The following NEXN variants were observed in gnomAD, a reference collection of about 807,000 sequenced individuals.
NEXN encodes nexilin F-actin binding protein, also known as nexilin.
NEXN carries 65 observed loss-of-function variants against 92.6 expected under a neutral mutation model. The ratio of observed to expected loss-of-function variants is 0.70; its 90% CI spans 0.57 to 0.86. The LOEUF (loss-of-function observed/expected upper bound fraction) is 0.86. NEXN is among the 40% of genes least tolerant of loss of function. The pLI is 0.00. For synonymous variants in NEXN, 254 were observed against 242.5 expected, an observed-to-expected ratio of 1.05 and a Z score of -0.44; for missense variants, 778 against 771.1, an observed-to-expected ratio of 1.01 and a Z score of -0.11.
chr1:77,926,339 A>G (rs191857514), intron 6 of NEXN, 75 bp from the exon 7 acceptor site: 1 of 939,224 alleles, frequency 1.1e-6, no homozygotes, highest in East Asian at 2.4e-5. Flanking sequence ...AAATTCACCT[A>G]TGATGGAGGT....
At position 77,925,215 on chromosome 1, in the gene NEXN, G is replaced by C. The variant is rs758902476; in HGVS notation, c.475G>C (p.Glu159Gln). The change falls in exon 6 of 13, where the codon GAA becomes CAA. Residue 159 changes from glutamate to glutamine, a missense_variant. Around this residue, in one of 3 missense-constraint regions of NEXN, gnomAD observed 236 missense variants for 265.6 expected, o/e 0.89. Coordinates refer to ENST00000334785, the MANE Select transcript of NEXN (RefSeq NM_144573.4). ...QIEDINNTGT[E>Q]SASEEGDDSL... Reference sequence around the variant, plus strand: ...TGAGGACATAAACAATACGGGAACTGAATCAGCATCAGAGGTAAACAGACA... The same window carrying C: ...TGAGGACATAAACAATACGGGAACTCAATCAGCATCAGAGGTAAACAGACA... The C allele has an allele frequency of 3.1e-6, 5 of 1,597,890 alleles. No homozygotes were observed. Among genetic ancestry groups the C allele is most frequent in the Non-Finnish European group, 4.3e-6 (5 of 1,166,912 alleles).
rs930310600 is a variant in NEXN, at chr1:77,939,407, T to C, written c.1474-2616T>C. Among the ~76,000 whole-genome samples, 8 of 152,166 alleles carry C rather than the reference T, an allele frequency of 5.3e-5. No individual in the cohort carries two copies. The East Asian group carries it at 7.7e-4, about 15-fold the overall frequency. On this transcript the variant is annotated intron_variant, in intron 11 of 12. Transcript: ENST00000334785. Reference sequence around the variant, plus strand: ...TAGATAAAGCTGCTTATAAAGTTAATTGTTGAAAGTGAATTAAGCCCTGGA... The same window carrying C: ...TAGATAAAGCTGCTTATAAAGTTAACTGTTGAAAGTGAATTAAGCCCTGGA...
At chr1:77,926,361 A>G in intron 6 of NEXN, 53 bp from the exon 7 acceptor site, 1 of 1,336,858 alleles carries the variant, frequency 7.5e-7, no homozygotes, top group Non-Finnish European at 1.1e-6. Flanking sequence ...AAGTCCCATG[A>G]AACCCAATTT....
chr1:77,917,934 T>G, intron 3 of NEXN, 26 bp from the exon 4 acceptor site: 1 of 1,585,480 alleles, frequency 6.3e-7, no homozygotes, highest in Non-Finnish European at 8.7e-7. Context: ...GGACATGTGC[T>G]CACATTAATT....
intron 5 of NEXN, among the ~76,000 whole-genome samples, chr1:77,922,598 ATTC>A (rs1177383656): frequency 4.0e-5 from 6 of 150,050 alleles, no homozygotes; most frequent in South Asian, 2.1e-4. Flanking sequence ...ATACAAAATT[ATTC>A]TTTTTTTTTT....
chr1:77,909,692 G>T (rs1386672532), intron 1 of NEXN, among the ~76,000 whole-genome samples: 1 of 152,084 alleles, frequency 6.6e-6, no homozygotes, highest in Non-Finnish European at 1.5e-5. Flanking sequence ...AGGGAATCAT[G>T]TCCCATCCTC....
chr1:77,891,362 A>G (rs929286504), intron 1 of NEXN, among the ~76,000 whole-genome samples: 5 of 152,112 alleles, frequency 3.3e-5, no homozygotes, highest in Admixed American at 2.0e-4. Flanking sequence ...TTCTTTTTGC[A>G]TTGACATATC....
chr1:77,928,503 T>G (rs1292487346), intron 8 of NEXN, among the ~76,000 whole-genome samples: 1 of 151,908 alleles, frequency 6.6e-6, no homozygotes, highest in Non-Finnish European at 1.5e-5. Context: ...TTTCTGGTGG[T>G]CAACTTAATA....
Position 77,926,794 on chromosome 1 carries a change from C to T in NEXN, c.766C>T (p.Arg256Ter), listed in dbSNP as rs1374176970. 6.2e-6 allele frequency: 10 copies of T among 1,613,440 alleles called. No homozygotes were observed. The highest frequency in any genetic ancestry group is 2.2e-5 in the East Asian group (1 of 44,848). ...GAAACTAACTTTTGAAGAACTGGAGCGACAAAGACAAGAAAACCGAAAGAA... is the reference window on the plus strand; with the variant it reads ...GAAACTAACTTTTGAAGAACTGGAGTGACAAAGACAAGAAAACCGAAAGAA... ...KLKLTFEELE[R>*]QRQENRKKQA... is the part of the protein sequence containing the mutation. Residue 256 changes from arginine to a stop codon, truncating the protein, a stop_gained, in exon 8 of 13, where the codon CGA (arginine) becomes TGA (stop). Coordinates refer to ENST00000334785, the MANE Select transcript of NEXN (RefSeq NM_144573.4). LOFTEE classifies it high-confidence loss of function.
chr1:77,937,751 C>T (rs949242047), intron 11 of NEXN, among the ~76,000 whole-genome samples: 8 of 152,164 alleles, frequency 5.3e-5, no homozygotes, highest in Middle Eastern at 3.4e-3. Context: ...CCAGGGACTG[C>T]TTTGGACACA....
intron 11 of NEXN, among the ~76,000 whole-genome samples, chr1:77,939,958 C>T (rs548179609): frequency 6.6e-6 from 1 of 152,240 alleles, no homozygotes; most frequent in East Asian, 1.9e-4. Context: ...CCTATAATCC[C>T]AGCTACACAG....
chr1:77,934,088 C>T (rs1298677127), intron 10 of NEXN, among the ~76,000 whole-genome samples: 1 of 139,196 alleles, frequency 7.2e-6, no homozygotes, highest in East Asian at 2.2e-4. Context: ...TGGTTCATTG[C>T]AACCTCCACC....
chr1:77,934,473 T>G lies in NEXN; in HGVS notation c.1251+994T>G, dbSNP rs139505316. 9.6e-4 allele frequency among the ~76,000 whole-genome samples: 146 copies of G among 152,336 alleles called. 1 individual carries two copies. Among genetic ancestry groups the G allele is most frequent in the African/African-American group, 3.4e-3 (143 of 41,580 alleles). ...GTCTTGAAATTCTTAATTTTACCTT[T>G]GAATTTGTGTGTTGTATGTAAGTGA... On this transcript the variant is annotated intron_variant, in intron 10 of 12. Transcript: ENST00000334785.
At chr1:77,915,384 C>T (rs1033822799) in intron 1 of NEXN, among the ~76,000 whole-genome samples, 4 of 152,182 alleles carry the variant, frequency 2.6e-5, no homozygotes, top group African/African-American at 9.7e-5. Context: ...AATCCCAGCA[C>T]TTTGGGAGGC....
intron 1 of NEXN, among the ~76,000 whole-genome samples, chr1:77,899,269 C>A (rs2102043110): frequency 6.6e-6 from 1 of 152,008 alleles, no homozygotes; most frequent in East Asian, 1.9e-4. Flanking sequence ...AAATGTCCAA[C>A]AATGATAGAC....
chr1:77,930,767 T>C (rs1650224344), intron 9 of NEXN, among the ~76,000 whole-genome samples: 1 of 152,208 alleles, frequency 6.6e-6, no homozygotes, highest in Non-Finnish European at 1.5e-5. Flanking sequence ...CTAACTCCAA[T>C]TCATAACTTT....
intron 10 of NEXN, 62 bp downstream of exon 10, chr1:77,933,541 C>A (rs1314785298): frequency 2.9e-5 from 34 of 1,154,704 alleles, no homozygotes; most frequent in Non-Finnish European, 3.7e-5. Flanking sequence ...TTACTTATAT[C>A]ACCTTATAAT....
At chr1:77,895,155 C>T (rs550600660) in intron 1 of NEXN, among the ~76,000 whole-genome samples, 6 of 146,842 alleles carry the variant, frequency 4.1e-5, no homozygotes, top group South Asian at 4.3e-4. Context: ...CACCATTCTC[C>T]TGCCTCAGCC....
chr1:77,899,270 A>C (rs1207198572), intron 1 of NEXN, among the ~76,000 whole-genome samples: 2 of 152,124 alleles, frequency 1.3e-5, no homozygotes, highest in African/African-American at 4.8e-5. Context: ...AATGTCCAAC[A>C]ATGATAGACT....
Sources: allele counts gnomAD v4.1 joint callset (sites outside exome capture counted in the v4.1 genomes callset), GRCh38; gene constraint gnomAD v4.1.1; regional missense constraint gnomAD v4.1.1; transcripts MANE v1.5; gene names NCBI Gene and HGNC (gene_info 2026-07-23, HGNC 2026-07-21).